SOHLH2: variants seen among roughly 807,000 people sequenced by gnomAD.
The protein encoded by SOHLH2 is spermatogenesis and oogenesis specific basic helix-loop-helix 2.
Under a neutral mutation model 50.4 loss-of-function variants are expected in SOHLH2, and 22 were observed. That is an observed-to-expected ratio of 0.44 (90% confidence interval 0.31 to 0.62). The LOEUF is 0.62. Among genes scored for constraint, SOHLH2 ranks in the 20% least tolerant of loss-of-function variants. The probability of loss-of-function intolerance (pLI) is 0.08; values close to 1 mark genes in which losing one functional copy is unlikely to be tolerated. For missense variants in SOHLH2, 412 were observed against 504.4 expected (o/e 0.82, Z 1.76); for synonymous variants, 185 against 187.3 (o/e 0.99, Z 0.10).
At chr13:36,209,316 A>G (rs1868967866) in intron 1 of SOHLH2, among the ~76,000 whole-genome samples, 1 of 152,040 alleles carries the variant, frequency 6.6e-6, no homozygotes, top group South Asian at 2.1e-4. Flanking sequence ...ATACAAATTC[A>G]AATTTTAGAA....
intron 6 of SOHLH2, among the ~76,000 whole-genome samples, chr13:36,184,393 T>C (rs1174127360): frequency 6.6e-6 from 1 of 151,448 alleles, no homozygotes; most frequent in African/African-American, 2.4e-5. Context: ...AGTTTTAGCT[T>C]TAAGTGCTTA....
rs1217361175 is a variant in SOHLH2, at chr13:36,174,711, G to C, written c.789+11C>G. The C allele has an allele frequency of 5.6e-6, 9 of 1,594,562 alleles. No individual in the cohort carries two copies. The highest frequency in any genetic ancestry group is 7.7e-6 in the Non-Finnish European group (9 of 1,173,600). ...ATAAGGATAAAATTCAAAGCTTTGGGAGTCAAATACCTGGGCCATAACGGC... is the reference window on the plus strand; with the variant it reads ...ATAAGGATAAAATTCAAAGCTTTGGCAGTCAAATACCTGGGCCATAACGGC... On this transcript the variant is annotated intron_variant, in intron 7 of 10. Transcript: ENST00000379881.
At chr13:36,179,128 ATTAT>A (rs368275721) in intron 6 of SOHLH2, among the ~76,000 whole-genome samples, 13 of 152,018 alleles carry the variant, frequency 8.6e-5, no homozygotes, top group Admixed American at 6.6e-5. Flanking sequence ...AATGGCTAGG[ATTAT>A]TTATTTGATA....
intron 1 of SOHLH2, among the ~76,000 whole-genome samples, chr13:36,213,851 G>A (rs1382432356): frequency 6.6e-6 from 1 of 152,078 alleles, no homozygotes; most frequent in Non-Finnish European, 1.5e-5. Flanking sequence ...ATGCCCAGCT[G>A]TGCAGAGACG....
At chr13:36,169,109 A>T in intron 10 of SOHLH2, 55 bp from the exon 11 acceptor site, 2 of 1,571,652 alleles carry the variant, frequency 1.3e-6, no homozygotes, top group South Asian at 1.2e-5. Context: ...ACTCTTACTC[A>T]TAATGTCATG....
intron 1 of SOHLH2, among the ~76,000 whole-genome samples, chr13:36,207,198 T>G (rs1385693518): frequency 6.6e-6 from 1 of 152,134 alleles, no homozygotes; most frequent in Non-Finnish European, 1.5e-5. Flanking sequence ...ATTAACTTCA[T>G]TAATGTAATG....
At chr13:36,193,524 C>A in intron 4 of SOHLH2, 97 bp downstream of exon 4, 1 of 1,315,652 alleles carries the variant, frequency 7.6e-7, no homozygotes, top group East Asian at 2.4e-5. Flanking sequence ...ATATTTCTCC[C>A]TTTATTTTAT....
chr13:36,210,404 C>A (rs1396832825), intron 1 of SOHLH2, among the ~76,000 whole-genome samples: 1 of 151,966 alleles, frequency 6.6e-6, no homozygotes, highest in Non-Finnish European at 1.5e-5. Flanking sequence ...TGTAATTGGA[C>A]CCCATTTGCT....
chr13:36,187,840 G>A (rs1394488743), intron 6 of SOHLH2, among the ~76,000 whole-genome samples: 2 of 152,114 alleles, frequency 1.3e-5, no homozygotes, highest in East Asian at 3.9e-4. Flanking sequence ...AGCTGCGGGG[G>A]ATTAAAATTA....
intron 1 of SOHLH2, among the ~76,000 whole-genome samples, chr13:36,208,440 G>A (rs11147599): frequency 0.031 from 4,731 of 151,842 alleles, 175 homozygotes; most frequent in African/African-American, 0.089. Flanking sequence ...CACTTTGGCC[G>A]CCAAAATTTC....
Position 36,202,078 on chromosome 13 carries a change from A to G in SOHLH2, c.64T>C (p.Leu22=). The G allele has an allele frequency of 1.2e-6, 2 of 1,614,226 alleles. No individual in the cohort carries two copies. The highest frequency in any genetic ancestry group is 1.7e-6 in the Non-Finnish European group (2 of 1,180,050). The part of the protein sequence containing the change: ...QISGQAKIDI[L]LVGDVTVGYL... The stretch of plus-strand genomic sequence containing the variant: ...CCCACAGTGACATCTCCAACTAATA[A>G]GATGTCTATTTTTGCCTGAAAGAGA... The change falls in exon 2 of 11, where the codon TTA becomes CTA. Residue 22 remains leucine (L), a synonymous_variant. Transcript: ENST00000379881.
At chr13:36,206,147 T>C (rs990258575) in intron 1 of SOHLH2, among the ~76,000 whole-genome samples, 2 of 152,044 alleles carry the variant, frequency 1.3e-5, no homozygotes, top group Non-Finnish European at 2.9e-5. Flanking sequence ...CTTATGTTAA[T>C]TAAAATTAAT....
In SOHLH2 at chr13:36,190,019, T is replaced by C; in HGVS notation, c.568A>G (p.Asn190Asp). The change falls in exon 6 of 11, where the codon AAT (asparagine) becomes GAT (aspartate). Residue 190 changes from asparagine (N) to aspartate (D), a missense_variant. Physicochemically the swap from Asn to Asp is conservative, Grantham distance 23 (BLOSUM62 1). Coordinates refer to ENST00000379881, the MANE Select transcript of SOHLH2 (RefSeq NM_017826.3). ...SLRNGNGLEL[N>D]ASLSEFEKNK... is the part of the protein sequence containing the mutation. ...TTCTCGAACTCTGACAACGAAGCAT[T>C]TAATTCAAGCCCATTGCCATTCCTT... The C allele has an allele frequency of 6.2e-6, 10 of 1,608,554 alleles. No individual in the cohort carries two copies. The highest frequency in any genetic ancestry group is 8.5e-6 in the Non-Finnish European group (10 of 1,176,576).
chr13:36,198,158 T>G (rs1887788892), intron 2 of SOHLH2, among the ~76,000 whole-genome samples: 1 of 152,224 alleles, frequency 6.6e-6, no homozygotes, highest in Admixed American at 6.5e-5. Flanking sequence ...CTTGATTTGT[T>G]GACGGAGCAG....
intron 2 of SOHLH2, among the ~76,000 whole-genome samples, chr13:36,195,107 A>G (rs1011376199): frequency 3.3e-5 from 5 of 152,152 alleles, no homozygotes; most frequent in Non-Finnish European, 7.3e-5. Flanking sequence ...AAAAGACATT[A>G]AACGAATCAT....
chr13:36,192,113 G>A (rs574971483), intron 4 of SOHLH2, among the ~76,000 whole-genome samples: 44 of 152,224 alleles, frequency 2.9e-4, no homozygotes, highest in African/African-American at 9.9e-4. Context: ...TATTTACCCC[G>A]GGATACCTTT....
intron 1 of SOHLH2, among the ~76,000 whole-genome samples, chr13:36,208,970 T>G (rs1868943668): frequency 6.6e-6 from 1 of 152,214 alleles, no homozygotes; most frequent in Non-Finnish European, 1.5e-5. Flanking sequence ...TCTGATAGTT[T>G]CTAGGCTGTG....
chr13:36,188,795 T>C (rs1887496755), intron 6 of SOHLH2, among the ~76,000 whole-genome samples: 1 of 152,170 alleles, frequency 6.6e-6, no homozygotes, highest in African/African-American at 2.4e-5. Context: ...TTTTCTCCAC[T>C]AGTCCCTTCT....
At chr13:36,190,182 A>G in intron 5 of SOHLH2, 126 bp from the exon 6 acceptor site, 1 of 718,130 alleles carries the variant, frequency 1.4e-6, no homozygotes, top group South Asian at 4.1e-5. Flanking sequence ...CAAAGGGGCA[A>G]TAAGTGTCAA....
Sources: gnomAD v4.1 joint callset for allele counts (sites outside exome capture counted in the v4.1 genomes callset) on GRCh38, gnomAD v4.1.1 for gene constraint, MANE v1.5 for transcripts, NCBI Gene and HGNC (gene_info 2026-07-23, HGNC 2026-07-21) for gene names.